The following CFAP90 variants were observed in gnomAD, a reference collection of about 807,000 sequenced individuals.
CFAP90 encodes cilia and flagella associated protein 90.
chr5:7,831,842 G>T, the CFAP90 span: 2 of 1,603,494 alleles, frequency 1.2e-6, no homozygotes, highest in Non-Finnish European at 1.7e-6. Flanking sequence ...GTGGGCCACG[G>T]GGATGCTTCA....
chr5:7,849,330 G>T, the CFAP90 span, among the ~76,000 whole-genome samples: 1 of 152,114 alleles, frequency 6.6e-6, no homozygotes. Context: ...GATGGTGGGG[G>T]CAGGAGGTGG....
At chr5:7,838,663 C>A in the CFAP90 span, among the ~76,000 whole-genome samples, 4 of 152,228 alleles carry the variant, frequency 2.6e-5, no homozygotes, top group Admixed American at 2.6e-4. Flanking sequence ...AGTAGCCAGG[C>A]TCTTGCTCAT....
At chr5:7,840,383 G>C in the CFAP90 span, among the ~76,000 whole-genome samples, 1 of 152,156 alleles carries the variant, frequency 6.6e-6, no homozygotes, top group East Asian at 1.9e-4. Context: ...GCCTACTATT[G>C]TGCAAGACAC....
chr5:7,842,763 C>A, the CFAP90 span, among the ~76,000 whole-genome samples: 1 of 152,084 alleles, frequency 6.6e-6, no homozygotes, highest in Non-Finnish European at 1.5e-5. Context: ...CGTTGGTGCA[C>A]CTATGTTTAA....
At chr5:7,844,817 T>C in the CFAP90 span, among the ~76,000 whole-genome samples, 1 of 152,074 alleles carries the variant, frequency 6.6e-6, no homozygotes, top group Admixed American at 6.5e-5. Context: ...GTAAAGGTGC[T>C]TGGTTCCTAA....
chr5:7,836,164 G>A, the CFAP90 span, among the ~76,000 whole-genome samples: 2 of 152,166 alleles, frequency 1.3e-5, no homozygotes, highest in African/African-American at 2.4e-5. Flanking sequence ...AGGCTTCAAC[G>A]TACGAATTTG....
the CFAP90 span, among the ~76,000 whole-genome samples, chr5:7,835,005 C>G: frequency 2.6e-5 from 4 of 152,130 alleles, no homozygotes; most frequent in African/African-American, 9.7e-5. Flanking sequence ...AGGTTTGGTT[C>G]TAAACCACGG....
chr5:7,848,816 C>G, the CFAP90 span, among the ~76,000 whole-genome samples: 2 of 152,200 alleles, frequency 1.3e-5, no homozygotes, highest in African/African-American at 4.8e-5. Context: ...TCACTGTGCA[C>G]TCATTCCTCT....
chr5:7,839,069 A>C, the CFAP90 span, among the ~76,000 whole-genome samples: 3 of 152,338 alleles, frequency 2.0e-5, no homozygotes, highest in South Asian at 4.1e-4. Context: ...GGTGAAAGGC[A>C]CTTCTTACAT....
chr5:7,835,458 C>A, the CFAP90 span: 22 of 1,602,436 alleles, frequency 1.4e-5, no homozygotes, highest in Non-Finnish European at 1.7e-5. Context: ...ATAATCTAGG[C>A]GCCTCTTAAA....
chr5:7,831,036 C>T, the CFAP90 span: 1 of 152,190 alleles, frequency 6.6e-6, no homozygotes, highest in African/African-American at 2.4e-5. Context: ...ATGAACTCCT[C>T]TAGGTTTGGA....
the CFAP90 span, among the ~76,000 whole-genome samples, chr5:7,835,825 T>G: frequency 6.6e-6 from 1 of 152,188 alleles, no homozygotes; most frequent in Non-Finnish European, 1.5e-5. Context: ...GAGCTCAAAC[T>G]TTAAAATAAA....
At chr5:7,831,633 C>G in the CFAP90 span, 12 of 480,652 alleles carry the variant, frequency 2.5e-5, no homozygotes, top group African/African-American at 2.3e-4. Flanking sequence ...AGACTCTTCA[C>G]ATGTACTAAA....
chr5:7,846,468 T>A, the CFAP90 span, among the ~76,000 whole-genome samples: 257 of 152,326 alleles, frequency 1.7e-3, no homozygotes, highest in African/African-American at 5.7e-3. Flanking sequence ...GGTTGCTACA[T>A]GACACGTTCT....
the CFAP90 span, chr5:7,831,677 T>C: frequency 1.7e-6 from 1 of 584,112 alleles, no homozygotes; most frequent in South Asian, 2.5e-5. Context: ...CCCAGCAACC[T>C]GAGGGGGGCT....
chr5:7,835,304 G>A, the CFAP90 span: 1 of 782,636 alleles, frequency 1.3e-6, no homozygotes, highest in East Asian at 2.5e-5. Context: ...ATAAAGTGAA[G>A]TGTAATAAAA....
At chr5:7,840,157 C>A in the CFAP90 span, among the ~76,000 whole-genome samples, 5 of 152,122 alleles carry the variant, frequency 3.3e-5, no homozygotes, top group South Asian at 6.2e-4. Flanking sequence ...ACAAAATATC[C>A]ATTTTTCACC....
At chr5:7,849,040 A>T in the CFAP90 span, among the ~76,000 whole-genome samples, 1 of 152,164 alleles carries the variant, frequency 6.6e-6, no homozygotes, top group Non-Finnish European at 1.5e-5. Context: ...TCTCAAAGAC[A>T]CCAGTCATAC....
chr5:7,846,890 G>GTA, the CFAP90 span, among the ~76,000 whole-genome samples: 1 of 152,098 alleles, frequency 6.6e-6, no homozygotes, highest in Non-Finnish European at 1.5e-5. Flanking sequence ...GAGACTAGAG[G>GTA]TATGGCCACC....
Sources: allele counts gnomAD v4.1 joint callset (sites outside exome capture counted in the v4.1 genomes callset), GRCh38; gene constraint gnomAD v4.1.1; transcripts MANE v1.5; gene names NCBI Gene and HGNC (gene_info 2026-07-23, HGNC 2026-07-21).